GTF3C3: variants seen among roughly 807,000 people sequenced by gnomAD.
GTF3C3 encodes the protein general transcription factor 3C polypeptide 3.
A neutral mutation model predicts 105.2 loss-of-function variants in GTF3C3; 75 were observed. That is an observed-to-expected ratio of 0.71 (90% CI 0.59 to 0.86). The LOEUF (loss-of-function observed/expected upper bound fraction) is 0.86, where lower values mean the gene tolerates loss of function less well. Among genes scored for constraint, GTF3C3 ranks in the 40% least tolerant of loss-of-function variants. GTF3C3 has a pLI of 0.00. For missense variants in GTF3C3, 856 were observed against 1,076.5 expected (o/e 0.80, Z 2.87); for synonymous variants, 335 against 370.4 (o/e 0.90, Z 1.10).
Position 196,798,543 on chromosome 2 carries a change from T to TA in GTF3C3, c.103-636dup, listed in dbSNP as rs536891098. Among the ~76,000 whole-genome samples, 267 of 149,318 alleles carry TA rather than the reference T, an allele frequency of 1.8e-3. 1 individual carries two copies. Among genetic ancestry groups the TA allele is most frequent in the African/African-American group, 6.0e-3 (244 of 40,490 alleles). On this transcript the variant is annotated intron_variant, in intron 1 of 17. Transcript: ENST00000263956. ...TGTCTGAAAATAAAATAAAATAAAA[T>TA]AAATAAAAAGATAAGTCCCTACTAC...
chr2:196,766,365 A>G (rs554060809), intron 17 of GTF3C3, among the ~76,000 whole-genome samples, 200 bp downstream of exon 17: 10 of 152,344 alleles, frequency 6.6e-5, no homozygotes, highest in Non-Finnish European at 4.4e-5. Flanking sequence ...CAAGCTGTAT[A>G]TGTTCATATG....
At chr2:196,795,330 A>G (rs1699623097) in intron 2 of GTF3C3, among the ~76,000 whole-genome samples, 1 of 152,222 alleles carries the variant, frequency 6.6e-6, no homozygotes, top group Non-Finnish European at 1.5e-5. Flanking sequence ...GAACAACTGC[A>G]CCTGGCCTGT....
intron 16 of GTF3C3, 54 bp from the exon 17 acceptor site, chr2:196,766,771 C>G (rs1490493078): frequency 2.2e-6 from 3 of 1,379,746 alleles, no homozygotes; most frequent in Non-Finnish European, 3.0e-6. Context: ...CAATTATGTA[C>G]TAGACCACTG....
chr2:196,766,814 T>A, intron 16 of GTF3C3, 97 bp from the exon 17 acceptor site: 15 of 887,072 alleles, frequency 1.7e-5, no homozygotes, highest in Non-Finnish European at 2.2e-5. Context: ...AAATATTTTT[T>A]AAAAACCTAT....
chr2:196,775,577 C>T (rs928334895), intron 12 of GTF3C3, among the ~76,000 whole-genome samples: 1 of 152,170 alleles, frequency 6.6e-6, no homozygotes, highest in Non-Finnish European at 1.5e-5. Context: ...TTTTGGGTCA[C>T]ATTCCTCACC....
chr2:196,774,235 T>A (rs62185600), intron 13 of GTF3C3, among the ~76,000 whole-genome samples: 1 of 152,148 alleles, frequency 6.6e-6, no homozygotes, highest in Non-Finnish European at 1.5e-5. Context: ...TGGACAAATC[T>A]GTATGTATGA....
intron 8 of GTF3C3, among the ~76,000 whole-genome samples, chr2:196,781,357 A>AAAAAAAAAAAAAAAAT: frequency 1.6e-4 from 3 of 18,812 alleles, no homozygotes; most frequent in African/African-American, 2.1e-4. Context: ...AAAAAAAAAA[A>AAAAAAAAAAAAAAAAT]ATATATATAT....
intron 2 of GTF3C3, among the ~76,000 whole-genome samples, chr2:196,797,249 C>T (rs1396118807): frequency 6.6e-6 from 1 of 152,150 alleles, no homozygotes; most frequent in Non-Finnish European, 1.5e-5. Context: ...AATTAGGCTA[C>T]GATGAGTTTA....
rs1699239274 is a variant in GTF3C3 at position 196,775,106 on chromosome 2, A to C, written c.1831+10T>G. On this transcript the variant is annotated intron_variant, in intron 13 of 17. Transcript: ENST00000263956. ...AATTTTATATAACATAATGCAAATGAAGTTATTACCTTTTGCATCACAATT... is the reference window on the plus strand; with the variant it reads ...AATTTTATATAACATAATGCAAATGCAGTTATTACCTTTTGCATCACAATT... 1 of 1,607,288 alleles carries C rather than the reference A, an allele frequency of 6.2e-7. No individual in the cohort carries two copies. The highest frequency in any genetic ancestry group is 8.5e-7 in the Non-Finnish European group (1 of 1,175,018).
chr2:196,772,245 G>A (rs1003913972), intron 14 of GTF3C3, among the ~76,000 whole-genome samples: 5 of 152,142 alleles, frequency 3.3e-5, no homozygotes, highest in Non-Finnish European at 7.4e-5. Flanking sequence ...CTGCAGTACC[G>A]AATAACAATT....
intron 12 of GTF3C3, among the ~76,000 whole-genome samples, chr2:196,775,782 G>T (rs536501300): frequency 5.3e-5 from 8 of 152,250 alleles, no homozygotes; most frequent in Admixed American, 2.0e-4. Flanking sequence ...ATAGACCATG[G>T]TGCTCACTTT....
At position 196,785,548 on chromosome 2, in the gene GTF3C3, T is replaced by C. The variant is rs780209232; in HGVS notation, c.934A>G (p.Ile312Val). ...TGTTTTGAGAAAGCTTCATCAATTA[T>C]GTTAATAGCAGAAGTAACATCATTG... ...EANDVTSAIN[I>V]IDEAFSKHQG... The change falls in exon 7 of 18, where the codon ATA becomes GTA. Residue 312 changes from isoleucine to valine, a missense_variant. By Grantham distance (29) the Ile-to-Val change is conservative. Coordinates refer to ENST00000263956, the MANE Select transcript of GTF3C3 (RefSeq NM_012086.5). The C allele has an allele frequency of 5.0e-6, 8 of 1,609,640 alleles. No homozygotes were observed. The highest frequency in any genetic ancestry group is 1.1e-5 in the South Asian group (1 of 90,882).
chr2:196,792,089 T>A (rs988754692), intron 3 of GTF3C3, among the ~76,000 whole-genome samples: 3 of 151,992 alleles, frequency 2.0e-5, no homozygotes, highest in Admixed American at 6.6e-5. Flanking sequence ...TTACTGAAGA[T>A]CCCCCTTCTT....
chr2:196,771,764 A>G lies in GTF3C3; in HGVS notation c.2244T>C (p.Ser748=), dbSNP rs1559298127. ...LNGHNAFVSG[S]FKHALGQYVQ... is the part of the protein sequence containing the mutation. Reference sequence around the variant, plus strand: ...GACACTTACCAAGCGCATGCTTAAAACTACCAGATACAAATGCATTGTGTC... The same window carrying G: ...GACACTTACCAAGCGCATGCTTAAAGCTACCAGATACAAATGCATTGTGTC... The change falls in exon 15 of 18, where the codon AGT becomes AGC. Residue 748 remains serine (S), a synonymous_variant. Transcript: ENST00000263956. 1.2e-6 allele frequency: 2 copies of G among 1,612,514 alleles called. No homozygotes were observed. Among genetic ancestry groups the G allele is most frequent in the Non-Finnish European group, 1.7e-6 (2 of 1,178,504 alleles).
chr2:196,781,112 T>A (rs1328598688), intron 8 of GTF3C3, among the ~76,000 whole-genome samples: 1 of 151,806 alleles, frequency 6.6e-6, no homozygotes, highest in African/African-American at 2.4e-5. Flanking sequence ...ACATTTAAAG[T>A]AGTTTGCAAA....
At chr2:196,793,177 G>C (rs776795943) in intron 2 of GTF3C3, 25 bp from the exon 3 acceptor site, 1 of 1,491,994 alleles carries the variant, frequency 6.7e-7, no homozygotes. Context: ...ATTGATGGGG[G>C]AGGGGTGGGG....
chr2:196,765,648 A>C (rs1269075519), intron 17 of GTF3C3, among the ~76,000 whole-genome samples: 2 of 150,796 alleles, frequency 1.3e-5, no homozygotes, highest in Non-Finnish European at 3.0e-5. Flanking sequence ...ATATTCAAAT[A>C]GTAAATTTAT....
At position 196,763,617 on chromosome 2, in the gene GTF3C3, C is replaced by T. The variant is rs1402184095; in HGVS notation, c.*946G>A. The T allele has an allele frequency of 6.6e-6, 1 of 152,240 alleles. No homozygotes were observed. Among genetic ancestry groups the T allele is most frequent in the Middle Eastern group, 3.4e-3 (1 of 294 alleles). The allele number at this position is 152,240 out of a possible 1,614,324, so 9.4% of individuals were successfully genotyped here. A position where few individuals can be genotyped will look rare whatever the true frequency, so the allele number is the denominator to read the frequency against. On this transcript the variant is annotated 3_prime_UTR_variant, in exon 18 of 18. Transcript: ENST00000263956. ...CAATTTTATTTCTTTGATCCTAAGC[C>T]TCTACTTGTTTCCCTCCCACAATTG...
At position 196,781,342 on chromosome 2, in the gene GTF3C3, GA is replaced by G. The variant is rs769914255; in HGVS notation, c.1115-681del. 7.0e-3 allele frequency among the ~76,000 whole-genome samples: 219 copies of G among 31,440 alleles called. 4 individuals carry two copies. The highest frequency in any genetic ancestry group is 0.022 in the African/African-American group (180 of 8,336). 20.6% of individuals were successfully genotyped at this position (31,440 alleles called of 152,430 possible). A position where few individuals can be genotyped will look rare whatever the true frequency, so the allele number is the denominator to read the frequency against. On this transcript the variant is annotated intron_variant, in intron 8 of 17. Transcript: ENST00000263956. ...AACTGCAGATCAAAAATGTTAAGGG[GA>G]AAAAAAAAAAAAAAATATATATATA...
Sources: gnomAD v4.1 joint callset for allele counts (sites outside exome capture counted in the v4.1 genomes callset) on GRCh38, gnomAD v4.1.1 for gene constraint, MANE v1.5 for transcripts, NCBI Gene and HGNC (gene_info 2026-07-23, HGNC 2026-07-21) for gene names.